The following RALYL variants were observed in gnomAD, a reference collection of about 807,000 sequenced individuals.
RALYL encodes RNA-binding Raly-like protein.
In RALYL, 29 loss-of-function variants were observed where a neutral mutation model predicts 35.1. The ratio of observed to expected loss-of-function variants is 0.83; its 90% CI spans 0.61 to 1.13. The LOEUF is 1.13. RALYL is among the 50% of genes most tolerant of loss of function. The probability of loss-of-function intolerance (pLI) is 0.00; values close to 1 mark genes in which losing one functional copy is unlikely to be tolerated. For missense variants in RALYL, 359 were observed against 360.4 expected (o/e 1.00, Z 0.03); for synonymous variants, 120 against 127.6 (o/e 0.94, Z 0.40).
At chr8:84,435,651 C>T (rs1269128214) in intron 1 of RALYL, among the ~76,000 whole-genome samples, 1 of 152,124 alleles carries the variant, frequency 6.6e-6, no homozygotes, top group African/African-American at 2.4e-5. Flanking sequence ...CTCAACATAT[C>T]ACAGAACTAC....
At chr8:84,844,535 T>A (rs1212269986) in intron 4 of RALYL, among the ~76,000 whole-genome samples, 3 of 152,216 alleles carry the variant, frequency 2.0e-5, no homozygotes, top group Non-Finnish European at 4.4e-5. Flanking sequence ...TGTAAACTAG[T>A]TCGACCATTG....
At chr8:84,758,310 A>G (rs1345973539) in intron 2 of RALYL, among the ~76,000 whole-genome samples, 1 of 152,114 alleles carries the variant, frequency 6.6e-6, no homozygotes, top group African/African-American at 2.4e-5. Flanking sequence ...TTTTCTTACT[A>G]TTTTCCTTCT....
chr8:84,920,946 G>C lies in RALYL; in HGVS notation c.*35G>C. 7.4e-7 allele frequency: 1 copy of C among 1,356,784 alleles called. No homozygotes were observed. The highest frequency in any genetic ancestry group is 1.5e-5 in the South Asian group (1 of 66,992). 84.0% of individuals were successfully genotyped at this position (1,356,784 alleles called of 1,614,324 possible). A position where few individuals can be genotyped will look rare whatever the true frequency, so the allele number is the denominator to read the frequency against. On this transcript the variant is annotated 3_prime_UTR_variant, in exon 9 of 9. Transcript: ENST00000521268. ...ACGCATGATGCCACAAAGCAGAAAA[G>C]AGAAACTGTGACAACCCCCAGAAAT...
intron 2 of RALYL, among the ~76,000 whole-genome samples, chr8:84,652,111 T>G (rs1828966497): frequency 6.6e-6 from 1 of 152,088 alleles, no homozygotes; most frequent in Admixed American, 6.6e-5. Flanking sequence ...TAAGACACTT[T>G]GCTGTCAAAT....
intron 2 of RALYL, among the ~76,000 whole-genome samples, chr8:84,657,290 C>T (rs191269711): frequency 6.6e-6 from 1 of 152,266 alleles, no homozygotes; most frequent in African/African-American, 2.4e-5. Flanking sequence ...TAGTATTTGT[C>T]CATTTATCAA....
intron 2 of RALYL, among the ~76,000 whole-genome samples, chr8:84,701,948 C>G (rs1206336122): frequency 6.8e-5 from 10 of 147,540 alleles, no homozygotes; most frequent in Admixed American, 6.0e-4. Flanking sequence ...AAATATTAGC[C>G]AGATTTTAAT....
chr8:84,304,426 C>G (rs2132418531), intron 1 of RALYL, among the ~76,000 whole-genome samples: 1 of 152,242 alleles, frequency 6.6e-6, no homozygotes, highest in East Asian at 1.9e-4. Flanking sequence ...TGTTCAAATA[C>G]TAACTAATAT....
chr8:84,330,360 A>AT (rs1846590843), intron 1 of RALYL, among the ~76,000 whole-genome samples: 1 of 152,004 alleles, frequency 6.6e-6, no homozygotes, highest in East Asian at 1.9e-4. Flanking sequence ...TTACAAACTT[A>AT]TTTTAGTAAT....
chr8:84,892,610 T>TAAA (rs766053248), intron 8 of RALYL, among the ~76,000 whole-genome samples: 1 of 122,342 alleles, frequency 8.2e-6, no homozygotes, highest in South Asian at 2.6e-4. Flanking sequence ...AACTCTGTCT[T>TAAA]AAAAAAAAAA....
intron 2 of RALYL, among the ~76,000 whole-genome samples, chr8:84,603,680 A>G (rs1489682177): frequency 6.6e-6 from 1 of 152,086 alleles, no homozygotes; most frequent in East Asian, 1.9e-4. Context: ...GCTGGCTGCA[A>G]AGCAAGTGCA....
intron 3 of RALYL, among the ~76,000 whole-genome samples, chr8:84,790,907 G>A (rs897213217): frequency 3.8e-4 from 58 of 152,168 alleles, no homozygotes; most frequent in African/African-American, 1.3e-3. Context: ...AGTAAGCTAC[G>A]GTCTGTTTAC....
chr8:84,482,375 A>G (rs544716481), intron 1 of RALYL, among the ~76,000 whole-genome samples: 2 of 152,182 alleles, frequency 1.3e-5, no homozygotes, highest in South Asian at 2.1e-4. Context: ...AGCACAACCA[A>G]TTTTATTTTG....
At chr8:84,636,459 AAAAGTATCC>A (rs1825082001) in intron 2 of RALYL, among the ~76,000 whole-genome samples, 1 of 151,794 alleles carries the variant, frequency 6.6e-6, no homozygotes, top group African/African-American at 2.4e-5. Context: ...TTATAACAAT[AAAAGTATCC>A]AAAAGCAACC....
rs562115710 is a variant in RALYL at position 84,234,021 on chromosome 8, T to C, written c.-24+49597T>C. ...GTATCCTGATGCACCTTTGATTGTCTTGCCTTCCTTTCTTACTTGTTGGCA... is the reference window on the plus strand; with the variant it reads ...GTATCCTGATGCACCTTTGATTGTCCTGCCTTCCTTTCTTACTTGTTGGCA... On this transcript the variant is annotated intron_variant, in intron 1 of 8. Transcript: ENST00000521268. 8.5e-5 allele frequency among the ~76,000 whole-genome samples: 13 copies of C among 152,322 alleles called. No homozygotes were observed. In the South Asian group the frequency reaches 2.7e-3, roughly 32 times the overall value.
intron 2 of RALYL, among the ~76,000 whole-genome samples, chr8:84,731,034 GA>G (rs1370505242): frequency 1.3e-5 from 2 of 152,128 alleles, no homozygotes; most frequent in African/African-American, 4.8e-5. Context: ...ATGTGAGAAA[GA>G]GGGGCAGAAA....
chr8:84,605,498 A>G (rs1414766880), intron 2 of RALYL, among the ~76,000 whole-genome samples: 1 of 151,992 alleles, frequency 6.6e-6, no homozygotes, highest in Non-Finnish European at 1.5e-5. Flanking sequence ...TGCTCATTTC[A>G]ATCAGCCGAT....
chr8:84,404,226 G>C (rs2043224961), intron 1 of RALYL, among the ~76,000 whole-genome samples: 1 of 152,070 alleles, frequency 6.6e-6, no homozygotes, highest in Non-Finnish European at 1.5e-5. Flanking sequence ...GGAGTCGTGA[G>C]AGAGGGCATC....
chr8:84,457,244 T>A (rs2133309127), intron 1 of RALYL, among the ~76,000 whole-genome samples: 1 of 152,106 alleles, frequency 6.6e-6, no homozygotes, highest in Non-Finnish European at 1.5e-5. Context: ...GTACCATAAC[T>A]CATAGAATAG....
chr8:84,823,710 T>TCTCTCCTTCCTCTTCTCTTCCTTTCTC (rs1829005589), intron 4 of RALYL, among the ~76,000 whole-genome samples: 1 of 152,090 alleles, frequency 6.6e-6, no homozygotes, highest in Non-Finnish European at 1.5e-5. Flanking sequence ...CTTCTTTTCT[T>TCTCTCCTTCCTCTTCTCTTCCTTTCTC]CTCTCTTTCC....
Sources: allele counts gnomAD v4.1 joint callset (sites outside exome capture counted in the v4.1 genomes callset), GRCh38; gene constraint gnomAD v4.1.1; transcripts MANE v1.5; gene names NCBI Gene and HGNC (gene_info 2026-07-23, HGNC 2026-07-21).